Variants in CACNA2D1 observed in about 807,000 individuals in gnomAD.
CACNA2D1 encodes the protein calcium voltage-gated channel auxiliary subunit alpha2delta 1, also known as voltage-dependent calcium channel subunit alpha-2/delta-1.
CACNA2D1 carries 53 observed loss-of-function variants against 171.5 expected under a neutral mutation model. That is an observed-to-expected ratio of 0.31 (90% CI 0.25 to 0.39). The LOEUF (loss-of-function observed/expected upper bound fraction) is 0.39, where lower values mean the gene tolerates loss of function less well. Ranked by LOEUF, CACNA2D1 falls within the 10% of genes least tolerant of loss-of-function variation. The pLI, the probability that CACNA2D1 is intolerant of heterozygous loss-of-function variation, is 1.00. For missense variants in CACNA2D1, 903 were observed against 1,299.8 expected (o/e 0.69, Z 4.69); for synonymous variants, 442 against 443.1 (o/e 1.00, Z 0.03).
Position 82,381,489 on chromosome 7 carries a change from T to C in CACNA2D1, c.96-31840A>G, listed in dbSNP as rs1035630902. On this transcript the variant is annotated intron_variant, in intron 1 of 38. Transcript: ENST00000356860. The stretch of plus-strand genomic sequence containing the variant: ...AAGACATTCCTCTGTTGTCTAATTA[T>C]ATACAGAACAAAGCCATGTTCTTGG... Among the ~76,000 whole-genome samples, 6 of 152,278 alleles carry C rather than the reference T, an allele frequency of 3.9e-5. No homozygotes were observed. The South Asian group carries it at 1.0e-3, about 26-fold the overall frequency.
At chr7:82,366,903 C>CTTTTTTTTTTTTTTTTTCTT in intron 1 of CACNA2D1, among the ~76,000 whole-genome samples, 1 of 86,946 alleles carries the variant, frequency 1.2e-5, no homozygotes, top group Non-Finnish European at 2.3e-5. Context: ...TGGTTTTGAC[C>CTTTTTTTTTTTTTTTTTCTT]TTTTTTTTTT....
chr7:82,131,851 A>C (rs1390319325), intron 5 of CACNA2D1, among the ~76,000 whole-genome samples: 3 of 152,218 alleles, frequency 2.0e-5, no homozygotes, highest in Admixed American at 2.0e-4. Flanking sequence ...TGAACACCTG[A>C]TATATAAAAT....
At chr7:82,384,210 T>G (rs1326705575) in intron 1 of CACNA2D1, among the ~76,000 whole-genome samples, 1 of 152,136 alleles carries the variant, frequency 6.6e-6, no homozygotes, top group African/African-American at 2.4e-5. Context: ...CTGAATTGTC[T>G]CCCCCAAAAA....
intron 10 of CACNA2D1, among the ~76,000 whole-genome samples, chr7:82,044,439 G>A (rs1804311930): frequency 6.6e-6 from 1 of 152,028 alleles, no homozygotes; most frequent in Admixed American, 6.6e-5. Context: ...CAAAATTGTT[G>A]GCTCAAGCCA....
chr7:81,950,273 A>T lies in CACNA2D1; in HGVS notation c.*119T>A. The T allele has an allele frequency of 6.3e-7, 1 of 1,590,232 alleles. No homozygotes were observed. The highest frequency in any genetic ancestry group is 8.6e-7 in the Non-Finnish European group (1 of 1,164,188). On this transcript the variant is annotated 3_prime_UTR_variant, in exon 39 of 39. Coordinates refer to ENST00000356860, the MANE Select transcript of CACNA2D1 (RefSeq NM_000722.4). ...CTGCGCCTTAGTGTTATGCCATGGA[A>T]CAGGCCCAGCTAATGTTTGTCTGAT...
intron 3 of CACNA2D1, among the ~76,000 whole-genome samples, chr7:82,263,627 T>C (rs539851244): frequency 3.5e-4 from 53 of 152,290 alleles, no homozygotes; most frequent in Middle Eastern, 3.4e-3. Context: ...CATATTCCAC[T>C]TAGAGATAAC....
intron 3 of CACNA2D1, among the ~76,000 whole-genome samples, chr7:82,328,849 C>T (rs1816950823): frequency 6.6e-6 from 1 of 152,144 alleles, no homozygotes; most frequent in African/African-American, 2.4e-5. Flanking sequence ...TATTCTGTTC[C>T]AGTATATTCT....
At chr7:82,264,105 C>A (rs754715802) in intron 3 of CACNA2D1, among the ~76,000 whole-genome samples, 4 of 152,160 alleles carry the variant, frequency 2.6e-5, no homozygotes, top group Non-Finnish European at 4.4e-5. Flanking sequence ...AAAACAGACA[C>A]CCATTTCCAT....
At chr7:82,173,262 G>A (rs10486950) in intron 3 of CACNA2D1, among the ~76,000 whole-genome samples, 9,769 of 152,004 alleles carry the variant, frequency 0.064, 657 homozygotes, top group African/African-American at 0.17. Flanking sequence ...AGTCCAAATC[G>A]GCTTTATTTA....
At chr7:82,153,257 C>G (rs1406566361) in intron 4 of CACNA2D1, among the ~76,000 whole-genome samples, 1 of 151,732 alleles carries the variant, frequency 6.6e-6, no homozygotes, top group Non-Finnish European at 1.5e-5. Flanking sequence ...TGACCAGGAG[C>G]CTAGCTCTCT....
rs542956858 is a variant in CACNA2D1 at position 82,208,255 on chromosome 7, T to A, written c.295-37646A>T. Among the ~76,000 whole-genome samples the A allele has an allele frequency of 8.5e-5, 13 of 152,286 alleles. No homozygotes were observed. In the South Asian group the frequency reaches 2.5e-3, roughly 29 times the overall value. On this transcript the variant is annotated intron_variant, in intron 3 of 38. Coordinates refer to ENST00000356860, the MANE Select transcript of CACNA2D1 (RefSeq NM_000722.4). The stretch of plus-strand genomic sequence containing the variant: ...AAGTGTATGTATAAATATATGTATG[T>A]AAATAATATACATTAACGATAGTAC...
chr7:82,318,977 A>G (rs917297200), intron 3 of CACNA2D1, among the ~76,000 whole-genome samples: 1 of 152,210 alleles, frequency 6.6e-6, no homozygotes, highest in Admixed American at 6.5e-5. Context: ...CTGACACATG[A>G]TAAGTGCAAG....
At chr7:82,305,512 C>T (rs115187079) in intron 3 of CACNA2D1, among the ~76,000 whole-genome samples, 27 of 152,208 alleles carry the variant, frequency 1.8e-4, no homozygotes, top group African/African-American at 6.0e-4. Context: ...CACAGCCTAC[C>T]ATCCATTATT....
chr7:82,000,201 G>C (rs772751424), intron 18 of CACNA2D1, among the ~76,000 whole-genome samples: 32 of 152,128 alleles, frequency 2.1e-4, no homozygotes, highest in Admixed American at 9.2e-4. Context: ...AGAGGTTGCA[G>C]TAAGCCGAGA....
At chr7:82,011,376 G>A (rs1483308656) in intron 15 of CACNA2D1, among the ~76,000 whole-genome samples, 5 of 152,264 alleles carry the variant, frequency 3.3e-5, no homozygotes, top group Middle Eastern at 3.4e-3. Context: ...GGACAAGCTT[G>A]CTCTAGATGC....
chr7:82,184,245 G>GCC (rs1470681142), intron 3 of CACNA2D1, among the ~76,000 whole-genome samples: 1 of 144,290 alleles, frequency 6.9e-6, no homozygotes, highest in Non-Finnish European at 1.5e-5. Flanking sequence ...TGTACTATAT[G>GCC]CCCCTCTCAC....
intron 6 of CACNA2D1, among the ~76,000 whole-genome samples, chr7:82,106,208 G>A (rs932176481): frequency 6.6e-6 from 1 of 151,994 alleles, no homozygotes; most frequent in African/African-American, 2.4e-5. Flanking sequence ...TACCTCTAGG[G>A]AGAAATCGAG....
intron 1 of CACNA2D1, among the ~76,000 whole-genome samples, chr7:82,389,486 T>G (rs1824845056): frequency 6.6e-6 from 1 of 152,148 alleles, no homozygotes; most frequent in African/African-American, 2.4e-5. Flanking sequence ...TTCTTAAATA[T>G]ATATTCTGTT....
At chr7:82,313,810 A>T (rs1234021312) in intron 3 of CACNA2D1, among the ~76,000 whole-genome samples, 1 of 152,228 alleles carries the variant, frequency 6.6e-6, no homozygotes, top group African/African-American at 2.4e-5. Context: ...CCAAAAATAC[A>T]AATCATGGTT....
Sources: gnomAD v4.1 joint callset for allele counts (sites outside exome capture counted in the v4.1 genomes callset) on GRCh38, gnomAD v4.1.1 for gene constraint, MANE v1.5 for transcripts, NCBI Gene and HGNC (gene_info 2026-07-23, HGNC 2026-07-21) for gene names.